The following CEP89 variants were observed in gnomAD, a reference collection of about 807,000 sequenced individuals.
The protein encoded by CEP89 is centrosomal protein of 89 kDa.
CEP89 carries 95 observed loss-of-function variants against 97.6 expected under a neutral mutation model. The observed-to-expected ratio is 0.97, with a 90% confidence interval of 0.82 to 1.15. The LOEUF is 1.15. Among genes scored for constraint, CEP89 ranks in the 50% most tolerant of loss-of-function variants. The pLI is 0.00. For synonymous variants in CEP89, 354 were observed against 349.1 expected (o/e 1.01, Z -0.16); for missense variants, 869 against 947.7 (o/e 0.92, Z 1.09).
chr19:32,954,529 T>C (rs961842891), intron 3 of CEP89, among the ~76,000 whole-genome samples: 27 of 151,808 alleles, frequency 1.8e-4, no homozygotes, highest in African/African-American at 6.5e-4. Context: ...GTTTTTGTAT[T>C]TTTTGTAGAG....
intron 14 of CEP89, among the ~76,000 whole-genome samples, chr19:32,908,031 C>G (rs975322014): frequency 6.6e-6 from 1 of 150,882 alleles, no homozygotes; most frequent in Admixed American, 6.6e-5. Flanking sequence ...TAGGAGCAAA[C>G]AGCTCCACCA....
chr19:32,927,008 GA>G (rs1343151575), intron 9 of CEP89, 24 bp from the exon 10 acceptor site: 3 of 1,602,868 alleles, frequency 1.9e-6, no homozygotes, highest in Non-Finnish European at 2.6e-6. Flanking sequence ...ATGTATTGAA[GA>G]CAAGTTAAAC....
At chr19:32,937,380 C>T in intron 7 of CEP89, 1 of 470,100 alleles carries the variant, frequency 2.1e-6, no homozygotes. Context: ...CCTCCCTTCC[C>T]CCAGGATCCC....
intron 3 of CEP89, among the ~76,000 whole-genome samples, chr19:32,956,899 A>C (rs1287779196): frequency 2.6e-5 from 4 of 152,156 alleles, no homozygotes; most frequent in African/African-American, 9.7e-5. Flanking sequence ...TCACAGTCTT[A>C]TTTGTGTGTC....
At chr19:32,925,281 T>A (rs145887629) in intron 11 of CEP89, among the ~76,000 whole-genome samples, 349 of 152,238 alleles carry the variant, frequency 2.3e-3, no homozygotes, top group African/African-American at 8.2e-3. Flanking sequence ...CTTGGCCTCC[T>A]GAAGTTAGAA....
chr19:32,938,002 A>ATT (rs35418144), intron 6 of CEP89, among the ~76,000 whole-genome samples: 7 of 119,306 alleles, frequency 5.9e-5, no homozygotes, highest in African/African-American at 1.7e-4. Flanking sequence ...ATCACACCTA[A>ATT]TTTTTTTTTT....
At position 32,931,436 on chromosome 19, in the gene CEP89, T is replaced by C. The variant is rs766956453; in HGVS notation, c.1022A>G (p.Lys341Arg). The change falls in exon 9 of 19, where the codon AAG becomes AGG. Residue 341 changes from lysine to arginine, a missense_variant. Lys to Arg is a conservative substitution (Grantham distance 26). Transcript: ENST00000305768. Reference protein sequence around the residue: ...RYQTKFRHLSKEESLNIEGLP... With the variant: ...RYQTKFRHLSREESLNIEGLP... ...CACAATCGGAAACGTTACCTCTTCC[T>C]TGGACAAATGCCTGAATTTTGTCTG... is the stretch of plus-strand genomic sequence containing the variant. 6.3e-7 allele frequency: 1 copy of C among 1,579,820 alleles called. No homozygotes were observed. The highest frequency in any genetic ancestry group is 2.3e-5 in the East Asian group (1 of 43,522).
intron 2 of CEP89, among the ~76,000 whole-genome samples, chr19:32,960,598 A>C (rs140289853): frequency 0.15 from 23,169 of 152,120 alleles, 2,042 homozygotes; most frequent in Non-Finnish European, 0.21. Context: ...TCACGAGGTC[A>C]GGAGATCGAG....
intron 5 of CEP89, among the ~76,000 whole-genome samples, chr19:32,945,215 C>T (rs12973859): frequency 0.2 from 29,491 of 146,334 alleles, 2,953 homozygotes; most frequent in African/African-American, 0.23. Flanking sequence ...ACCCAGGAGG[C>T]GGAGGTTGCA....
intron 9 of CEP89, among the ~76,000 whole-genome samples, chr19:32,927,470 C>T (rs1970385445): frequency 6.6e-6 from 1 of 152,030 alleles, no homozygotes; most frequent in Admixed American, 6.6e-5. Flanking sequence ...CTAGAGTAGC[C>T]TATAATACTA....
At chr19:32,880,127 C>T (rs1355872404) in intron 18 of CEP89, among the ~76,000 whole-genome samples, 2 of 152,242 alleles carry the variant, frequency 1.3e-5, no homozygotes, top group Non-Finnish European at 2.9e-5. Context: ...CACAGGGCCA[C>T]AGTCCACTGG....
At chr19:32,967,038 A>G (rs1325936446) in intron 1 of CEP89, among the ~76,000 whole-genome samples, 1 of 151,948 alleles carries the variant, frequency 6.6e-6, no homozygotes, top group Non-Finnish European at 1.5e-5. Context: ...CATTGCCCAG[A>G]CTGGTCTCGA....
chr19:32,948,362 A>G lies in CEP89; in HGVS notation c.499T>C (p.Leu167=), dbSNP rs1261886626. 2 of 1,599,656 alleles carry G rather than the reference A, an allele frequency of 1.3e-6. No homozygotes were observed. Among genetic ancestry groups the G allele is most frequent in the South Asian group, 1.1e-5 (1 of 89,634 alleles). The change falls in exon 5 of 19, where the codon TTG becomes CTG. Residue 167 remains leucine (L), a synonymous_variant. Transcript: ENST00000305768. ...TCTTCACTGTTCACCTCATGTAACA[A>G]TGGCACCTTTTTGTTATAAAAGACA... is the stretch of plus-strand genomic sequence containing the variant. ...YAVPHRNQVP[L]LHEVNSEDDE... is the part of the protein sequence containing the mutation.
Position 32,936,658 on chromosome 19 carries a change from CAG to C in CEP89, c.667+971_667+972del, listed in dbSNP as rs1568569594. On this transcript the variant is annotated intron_variant, in intron 7 of 18. Coordinates refer to ENST00000305768, the MANE Select transcript of CEP89 (RefSeq NM_032816.5). The surrounding 1 kb of genome is among the most constrained non-coding windows in gnomAD (Gnocchi z 4.5). Reference sequence around the variant, plus strand: ...GCAGAGCAGATGAGATGACCAGCTGCAGAGAGGAGTTCCCCTCTCTGCTGATA... The same window carrying C: ...GCAGAGCAGATGAGATGACCAGCTGCAGAGGAGTTCCCCTCTCTGCTGATA... Among the ~76,000 whole-genome samples the C allele has an allele frequency of 1.3e-5, 2 of 152,132 alleles. No individual in the cohort carries two copies. Among genetic ancestry groups the C allele is most frequent in the South Asian group, 4.1e-4 (2 of 4,828 alleles).
chr19:32,932,209 CA>C, intron 8 of CEP89, among the ~76,000 whole-genome samples: 1 of 150,572 alleles, frequency 6.6e-6, no homozygotes, highest in South Asian at 2.1e-4. Flanking sequence ...AGAGAAAAAT[CA>C]TATAGAATAC....
intron 2 of CEP89, 90 bp from the exon 3 acceptor site, chr19:32,960,148 T>A: frequency 1.4e-6 from 2 of 1,392,464 alleles, no homozygotes; most frequent in Non-Finnish European, 2.0e-6. Context: ...AAGGCTTACC[T>A]TCTGCTGGAC....
At chr19:32,888,640 G>A (rs1349861316) in intron 16 of CEP89, among the ~76,000 whole-genome samples, 3 of 149,944 alleles carry the variant, frequency 2.0e-5, no homozygotes, top group Non-Finnish European at 4.4e-5. Flanking sequence ...CTGAGATCGC[G>A]CCACCGCACT....
chr19:32,879,981 T>C (rs967463434), intron 18 of CEP89, among the ~76,000 whole-genome samples: 2 of 152,176 alleles, frequency 1.3e-5, no homozygotes, highest in Non-Finnish European at 2.9e-5. Context: ...GCCTGGCCCA[T>C]GTGCCGGGAT....
At chr19:32,918,378 T>A in intron 12 of CEP89, 39 bp from the exon 13 acceptor site, 6 of 1,432,338 alleles carry the variant, frequency 4.2e-6, no homozygotes, top group Non-Finnish European at 5.9e-6. Context: ...GTGATTCAGG[T>A]GCTGAATGGT....
Sources: allele counts gnomAD v4.1 joint callset (sites outside exome capture counted in the v4.1 genomes callset), GRCh38; gene constraint gnomAD v4.1.1; non-coding constraint Gnocchi (gnomAD v3.1); transcripts MANE v1.5; gene names NCBI Gene and HGNC (gene_info 2026-07-23, HGNC 2026-07-21).